Variants in DOCK2 observed in about 807,000 individuals in gnomAD.
DOCK2 encodes dedicator of cytokinesis protein 2.
DOCK2 carries 87 observed loss-of-function variants against 248.9 expected under a neutral mutation model. The observed-to-expected ratio is 0.35, with a 90% CI of 0.29 to 0.42. The LOEUF (loss-of-function observed/expected upper bound fraction) is 0.42. DOCK2 is among the 10% of genes least tolerant of loss of function. The pLI is 1.00. For synonymous variants in DOCK2, 805 were observed against 821.6 expected, an observed-to-expected ratio of 0.98 and a Z score of 0.35; for missense variants, 1,747 against 2,300.2, an observed-to-expected ratio of 0.76 and a Z score of 4.92.
At chr5:169,653,061 A>ACAG (rs1757893112) in intron 1 of DOCK2, among the ~76,000 whole-genome samples, 2 of 152,204 alleles carry the variant, frequency 1.3e-5, no homozygotes, top group African/African-American at 2.4e-5. Flanking sequence ...CAAGGCAAGT[A>ACAG]ACCTCTCTCT....
At chr5:169,956,034 G>C (rs1249668558) in intron 27 of DOCK2, among the ~76,000 whole-genome samples, 1 of 147,286 alleles carries the variant, frequency 6.8e-6, no homozygotes, top group East Asian at 2.2e-4. Flanking sequence ...GGGAGACATA[G>C]ATTTGAAAAA....
chr5:170,047,247 T>C (rs1756746990), intron 39 of DOCK2, among the ~76,000 whole-genome samples: 1 of 152,280 alleles, frequency 6.6e-6, no homozygotes, highest in Non-Finnish European at 1.5e-5. Flanking sequence ...TTTCTTTATC[T>C]GCAAAATGGA....
chr5:169,836,527 C>A (rs1320743788), intron 26 of DOCK2, among the ~76,000 whole-genome samples: 1 of 152,174 alleles, frequency 6.6e-6, no homozygotes, highest in Admixed American at 6.5e-5. Context: ...GGTAAAAGGA[C>A]CTTCCGTGTG....
chr5:169,900,309 C>T (rs552289016), intron 27 of DOCK2, among the ~76,000 whole-genome samples: 26 of 152,302 alleles, frequency 1.7e-4, no homozygotes, highest in African/African-American at 6.3e-4. Flanking sequence ...CTGAGCCAGG[C>T]TTTCTATGAT....
In DOCK2 at chr5:169,890,582, G is replaced by A. The variant is rs533081287; in HGVS notation, c.2799+49730G>A. Among the ~76,000 whole-genome samples, 13 of 152,188 alleles carry A rather than the reference G, an allele frequency of 8.5e-5. No homozygotes were observed. The South Asian group carries it at 2.7e-3, about 32-fold the overall frequency. On this transcript the variant is annotated intron_variant, in intron 27 of 51. Coordinates refer to ENST00000520908, the MANE Select transcript of DOCK2 (RefSeq NM_004946.3). ...CTCAGTAAGGAAAAGGGTATATTTT[G>A]GGGGTCTGCCTAAATCTACATTCTG... is the stretch of plus-strand genomic sequence containing the variant.
At chr5:169,659,943 T>C (rs1758348772) in intron 2 of DOCK2, among the ~76,000 whole-genome samples, 1 of 152,228 alleles carries the variant, frequency 6.6e-6, no homozygotes, top group African/African-American at 2.4e-5. Flanking sequence ...ATCTCATATA[T>C]TGTGCAGCTC....
intron 27 of DOCK2, among the ~76,000 whole-genome samples, chr5:169,929,462 T>G (rs1179624792): frequency 6.6e-6 from 1 of 151,688 alleles, no homozygotes; most frequent in Non-Finnish European, 1.5e-5. Flanking sequence ...TGTGGCCAGG[T>G]GTGGTGGCTT....
intron 26 of DOCK2, among the ~76,000 whole-genome samples, chr5:169,806,016 A>C (rs756070005): frequency 1.3e-5 from 2 of 152,150 alleles, no homozygotes; most frequent in Non-Finnish European, 2.9e-5. Context: ...TGAGCTTCAC[A>C]TCTCACCTCT....
chr5:170,063,602 C>A (rs1314289512), intron 44 of DOCK2, among the ~76,000 whole-genome samples: 1 of 152,212 alleles, frequency 6.6e-6, no homozygotes, highest in East Asian at 1.9e-4. Flanking sequence ...CTTCACTAGC[C>A]TTTCCTCTGT....
chr5:169,838,700 G>A (rs973492255), intron 26 of DOCK2, among the ~76,000 whole-genome samples: 7 of 152,162 alleles, frequency 4.6e-5, no homozygotes, highest in African/African-American at 1.7e-4. Context: ...GTCTGGCTGC[G>A]CTTGATGAAG....
chr5:169,864,618 C>T (rs904899165), intron 27 of DOCK2, among the ~76,000 whole-genome samples: 3 of 152,178 alleles, frequency 2.0e-5, no homozygotes, highest in Admixed American at 6.5e-5. Flanking sequence ...AAAGTGATGC[C>T]ACCTCTCTGA....
intron 27 of DOCK2, among the ~76,000 whole-genome samples, chr5:169,898,292 T>C (rs1253149413): frequency 7.2e-5 from 11 of 152,176 alleles, no homozygotes; most frequent in Admixed American, 7.2e-4. Flanking sequence ...GGAAGGGCCA[T>C]ATATTGCTCA....
intron 27 of DOCK2, among the ~76,000 whole-genome samples, chr5:169,910,003 T>A (rs1774505059): frequency 6.6e-6 from 1 of 152,130 alleles, no homozygotes; most frequent in Admixed American, 6.5e-5. Context: ...ACTCTGCAAG[T>A]CATCAGGGTG....
At chr5:170,051,223 C>T (rs79269549) in intron 41 of DOCK2, among the ~76,000 whole-genome samples, 11,571 of 152,204 alleles carry the variant, frequency 0.076, 1,110 homozygotes, top group African/African-American at 0.23. Context: ...ACTGAAATGA[C>T]GCCATATTGC....
chr5:169,927,793 T>C (rs549285562), intron 27 of DOCK2, among the ~76,000 whole-genome samples: 2 of 152,280 alleles, frequency 1.3e-5, no homozygotes, highest in East Asian at 3.9e-4. Context: ...ATTTTTTGTA[T>C]TTTTAGTAGA....
intron 27 of DOCK2, among the ~76,000 whole-genome samples, chr5:169,864,842 C>A (rs1226777022): frequency 6.6e-6 from 1 of 152,200 alleles, no homozygotes; most frequent in Non-Finnish European, 1.5e-5. Context: ...AGAAAACTGA[C>A]AGCTCAGTTT....
chr5:169,715,628 A>G (rs1761864142), intron 19 of DOCK2, among the ~76,000 whole-genome samples: 1 of 151,596 alleles, frequency 6.6e-6, no homozygotes, highest in African/African-American at 2.4e-5. Flanking sequence ...TGTTATTTAA[A>G]TATGATATAC....
intron 28 of DOCK2, among the ~76,000 whole-genome samples, chr5:169,983,516 A>G (rs893040625): frequency 3.3e-5 from 5 of 152,216 alleles, no homozygotes; most frequent in African/African-American, 9.7e-5. Flanking sequence ...AGTGCTCAGT[A>G]AAATATAGCT....
intron 41 of DOCK2, 139 bp downstream of exon 41, chr5:170,050,536 A>G (rs1756877858): frequency 3.9e-6 from 4 of 1,017,584 alleles, no homozygotes; most frequent in Admixed American, 2.7e-5. Flanking sequence ...AACATGCAAC[A>G]TGTTCTTTGG....
Sources: allele counts gnomAD v4.1 joint callset (sites outside exome capture counted in the v4.1 genomes callset), GRCh38; gene constraint gnomAD v4.1.1; transcripts MANE v1.5; gene names NCBI Gene and HGNC (gene_info 2026-07-23, HGNC 2026-07-21).